Variants in VPS13B observed in about 807,000 individuals in gnomAD.
VPS13B encodes vacuolar protein sorting 13 homolog B.
In VPS13B, 285 loss-of-function variants were observed where a neutral mutation model predicts 426.4. The observed-to-expected ratio is 0.67, with a 90% confidence interval of 0.61 to 0.74. The LOEUF (loss-of-function observed/expected upper bound fraction) is 0.74, where lower values mean the gene tolerates loss of function less well. Among genes scored for constraint, VPS13B ranks in the 30% least tolerant of loss-of-function variants. VPS13B has a pLI of 0.00. For missense variants in VPS13B, 4,537 were observed against 4,782.6 expected (o/e 0.95, Z 1.51); for synonymous variants, 1,676 against 1,676.4 (o/e 1.00, Z 0.01).
intron 5 of VPS13B, among the ~76,000 whole-genome samples, chr8:99,106,008 A>C (rs1336257488): frequency 6.6e-6 from 1 of 152,168 alleles, no homozygotes; most frequent in Non-Finnish European, 1.5e-5. Context: ...TACATATTTT[A>C]TATTAATTAT....
chr8:99,225,187 A>G (rs1199626777), intron 17 of VPS13B, among the ~76,000 whole-genome samples: 1 of 152,230 alleles, frequency 6.6e-6, no homozygotes, highest in Non-Finnish European at 1.5e-5. Flanking sequence ...TGTAGCCCAG[A>G]ACATCTTCCT....
At chr8:99,643,608 C>T (rs1829460237) in intron 34 of VPS13B, among the ~76,000 whole-genome samples, 1 of 152,150 alleles carries the variant, frequency 6.6e-6, no homozygotes, top group South Asian at 2.1e-4. Flanking sequence ...TGCTGGCCCT[C>T]TCTCCTGTGC....
intron 39 of VPS13B, among the ~76,000 whole-genome samples, chr8:99,740,993 T>C (rs183507934): frequency 0.019 from 2,943 of 152,196 alleles, 104 homozygotes; most frequent in African/African-American, 0.068. Context: ...TAAATGTAAA[T>C]GGGCTAAATG....
intron 35 of VPS13B, among the ~76,000 whole-genome samples, chr8:99,699,264 C>T (rs2130176399): frequency 6.6e-6 from 1 of 150,792 alleles, no homozygotes; most frequent in Admixed American, 6.6e-5. Context: ...CTTGTGTGGC[C>T]CTCGATGTAT....
intron 2 of VPS13B, among the ~76,000 whole-genome samples, chr8:99,027,629 C>A (rs1249499336): frequency 6.6e-6 from 1 of 152,002 alleles, no homozygotes; most frequent in East Asian, 1.9e-4. Context: ...ATATGGTAAT[C>A]TTGGCTCACA....
chr8:99,152,277 A>G (rs1290018689), intron 14 of VPS13B, among the ~76,000 whole-genome samples: 1 of 152,184 alleles, frequency 6.6e-6, no homozygotes, highest in Non-Finnish European at 1.5e-5. Context: ...TGTGTTCTTT[A>G]GAAGTATTTT....
intron 39 of VPS13B, among the ~76,000 whole-genome samples, chr8:99,743,485 A>G (rs529214289): frequency 6.6e-6 from 1 of 152,218 alleles, no homozygotes; most frequent in East Asian, 1.9e-4. Flanking sequence ...TAAAGTTCAT[A>G]TGGAACCAAA....
At chr8:99,020,011 T>A (rs1486084663) in intron 2 of VPS13B, among the ~76,000 whole-genome samples, 1 of 152,202 alleles carries the variant, frequency 6.6e-6, no homozygotes, top group African/African-American at 2.4e-5. Context: ...AATTGCTAGA[T>A]CACGTGATAA....
At chr8:99,794,843 A>G (rs936566331) in intron 43 of VPS13B, among the ~76,000 whole-genome samples, 21 of 152,254 alleles carry the variant, frequency 1.4e-4, no homozygotes, top group African/African-American at 4.8e-4. Flanking sequence ...GATTTTTCTG[A>G]TATTACTGAG....
At chr8:99,774,346 T>C (rs562429895) in intron 40 of VPS13B, among the ~76,000 whole-genome samples, 94 of 152,320 alleles carry the variant, frequency 6.2e-4, no homozygotes, top group African/African-American at 2.2e-3. Context: ...GATTTTATGA[T>C]TCAGGAGCTA....
At chr8:99,214,110 T>G (rs898590875) in intron 17 of VPS13B, among the ~76,000 whole-genome samples, 7 of 152,368 alleles carry the variant, frequency 4.6e-5, no homozygotes, top group South Asian at 2.1e-4. Flanking sequence ...ACCTGACCAC[T>G]TGTCTCAACT....
intron 19 of VPS13B, chr8:99,346,659 C>T (rs1811553745): frequency 5.6e-6 from 1 of 179,574 alleles, no homozygotes. Flanking sequence ...TTTGCCTTCC[C>T]ACTTGTCAAA....
chr8:99,084,115 A>C (rs1199848087), intron 3 of VPS13B, among the ~76,000 whole-genome samples: 1 of 152,124 alleles, frequency 6.6e-6, no homozygotes, highest in Non-Finnish European at 1.5e-5. Flanking sequence ...TAAGCTATTA[A>C]TTATTGCCTC....
chr8:99,053,064 C>T (rs914002588), intron 3 of VPS13B, among the ~76,000 whole-genome samples: 11 of 151,284 alleles, frequency 7.3e-5, no homozygotes, highest in African/African-American at 1.9e-4. Context: ...TTATTTCTTG[C>T]CTTCTGCTAG....
Position 99,193,010 on chromosome 8 carries a change from C to T in VPS13B, c.2468C>T (p.Ser823Phe). The T allele has an allele frequency of 1.2e-6, 2 of 1,613,738 alleles. No homozygotes were observed. Among genetic ancestry groups the T allele is most frequent in the Admixed American group, 1.7e-5 (1 of 60,020 alleles). ...QSWSHLGNVSSSAVIEALINE... is the reference protein window; with the variant it reads ...QSWSHLGNVSFSAVIEALINE... ...TGGTCTCATCTTGGAAATGTCAGCT[C>T]TTCCGCAGTGATTGAAGCTTTGATA... Residue 823 changes from serine to phenylalanine, a missense_variant, in exon 17 of 62, where the codon TCT (serine) becomes TTT (phenylalanine). Physicochemically the swap from Ser to Phe is radical, Grantham distance 155 (BLOSUM62 -2). Around this residue, in one of 2 missense-constraint regions of VPS13B, gnomAD observed 4,311 missense variants for 4,474.3 expected, o/e 0.96. Coordinates refer to ENST00000357162, the MANE Select transcript of VPS13B (RefSeq NM_152564.5).
At chr8:99,088,434 G>T (rs902786470) in intron 3 of VPS13B, among the ~76,000 whole-genome samples, 1 of 152,120 alleles carries the variant, frequency 6.6e-6, no homozygotes, top group African/African-American at 2.4e-5. Flanking sequence ...AGATAATAGT[G>T]TCATTAACTG....
chr8:99,167,860 T>C (rs1176292497), intron 15 of VPS13B, among the ~76,000 whole-genome samples: 1 of 152,152 alleles, frequency 6.6e-6, no homozygotes, highest in Non-Finnish European at 1.5e-5. Flanking sequence ...TTTTTATTGC[T>C]CCAGATTATT....
intron 17 of VPS13B, among the ~76,000 whole-genome samples, chr8:99,218,158 C>T (rs1011629944): frequency 6.6e-6 from 1 of 152,246 alleles, no homozygotes. Flanking sequence ...AGTTGGCAAA[C>T]TGCAGCTTGC....
chr8:99,436,162 C>T (rs1563729138), intron 22 of VPS13B, among the ~76,000 whole-genome samples: 1 of 152,126 alleles, frequency 6.6e-6, no homozygotes, highest in Non-Finnish European at 1.5e-5. Flanking sequence ...AGCTACTGGT[C>T]AGCAATGTCA....
Sources: gnomAD v4.1 joint callset for allele counts (sites outside exome capture counted in the v4.1 genomes callset) on GRCh38, gnomAD v4.1.1 for gene constraint, gnomAD v4.1.1 regional missense constraint, MANE v1.5 for transcripts, NCBI Gene and HGNC (gene_info 2026-07-23, HGNC 2026-07-21) for gene names.